Variants in SEMA6D observed in about 807,000 individuals in gnomAD.
The protein encoded by SEMA6D is semaphorin-6D.
SEMA6D carries 35 observed loss-of-function variants against 106.6 expected under a neutral mutation model. The observed-to-expected ratio is 0.33, with a 90% CI of 0.25 to 0.44. The LOEUF (loss-of-function observed/expected upper bound fraction) is 0.44, where lower values mean the gene tolerates loss of function less well. Ranked by LOEUF, SEMA6D falls within the 20% of genes least tolerant of loss-of-function variation. The pLI is 1.00. For missense variants in SEMA6D, 1,185 were observed against 1,345.9 expected, an observed-to-expected ratio of 0.88 and a Z score of 1.87; for synonymous variants, 499 against 487.7, an observed-to-expected ratio of 1.02 and a Z score of -0.31.
intron 3 of SEMA6D, among the ~76,000 whole-genome samples, chr15:47,571,889 C>G (rs1596340315): frequency 6.6e-6 from 1 of 152,050 alleles, no homozygotes; most frequent in African/African-American, 2.4e-5. Context: ...TTACCTGAAA[C>G]AAACAAAGAG....
At chr15:47,725,271 T>TA (rs2079669872) in intron 1 of SEMA6D, among the ~76,000 whole-genome samples, 1 of 152,200 alleles carries the variant, frequency 6.6e-6, no homozygotes, top group African/African-American at 2.4e-5. Flanking sequence ...ACATAGTAGA[T>TA]ATGCAGCAAG....
At chr15:47,216,087 C>T (rs149319247) in intron 1 of SEMA6D, among the ~76,000 whole-genome samples, 77 of 152,186 alleles carry the variant, frequency 5.1e-4, no homozygotes, top group African/African-American at 1.8e-3. Flanking sequence ...TTTGAAGAGG[C>T]AACTGATACT....
intron 3 of SEMA6D, among the ~76,000 whole-genome samples, chr15:47,534,902 T>G (rs1255795871): frequency 6.6e-6 from 1 of 152,042 alleles, no homozygotes; most frequent in Admixed American, 6.6e-5. Flanking sequence ...GTTCTATATA[T>G]AAACACTAGT....
chr15:47,651,287 C>T (rs372208173), intron 4 of SEMA6D, among the ~76,000 whole-genome samples: 3 of 152,014 alleles, frequency 2.0e-5, no homozygotes, highest in Non-Finnish European at 2.9e-5. Context: ...GTCTGTCATC[C>T]CTGCTACTTA....
intron 4 of SEMA6D, 23 bp downstream of exon 4, chr15:47,761,061 T>G (rs1301243547): frequency 6.2e-7 from 1 of 1,612,588 alleles, no homozygotes; most frequent in Non-Finnish European, 8.5e-7. Context: ...AGTTGGCAAA[T>G]TTATTTACCT....
At chr15:47,265,143 G>C (rs2034259564) in intron 1 of SEMA6D, among the ~76,000 whole-genome samples, 1 of 151,940 alleles carries the variant, frequency 6.6e-6, no homozygotes, top group Non-Finnish European at 1.5e-5. Flanking sequence ...GCTGGGATGT[G>C]TTCTCTTCTC....
chr15:47,283,700 A>C (rs1405343948), intron 1 of SEMA6D, among the ~76,000 whole-genome samples: 3 of 152,140 alleles, frequency 2.0e-5, no homozygotes, highest in Non-Finnish European at 4.4e-5. Context: ...AGACAATTTG[A>C]GGCTACACCA....
intron 2 of SEMA6D, among the ~76,000 whole-genome samples, chr15:47,428,768 A>G (rs2041428249): frequency 6.7e-6 from 1 of 149,246 alleles, no homozygotes; most frequent in Non-Finnish European, 1.5e-5. Context: ...TCTGTCAAGG[A>G]AAAAAAAAAG....
chr15:47,766,719 AC>A, intron 16 of SEMA6D, 42 bp downstream of exon 16: 1 of 1,340,828 alleles, frequency 7.5e-7, no homozygotes, highest in Non-Finnish European at 1.1e-6. Context: ...CTTCTTTTTG[AC>A]CACATTTGCA....
chr15:47,511,954 G>A lies in SEMA6D; in HGVS notation c.-87+41409G>A, dbSNP rs545802212. On this transcript the variant is annotated intron_variant, in intron 3 of 19. Transcript: ENST00000558014. The stretch of plus-strand genomic sequence containing the variant: ...CTGACCTCGGTGAGAAAAAGTTTTA[G>A]TCTTAATGACTGTTACATTATTTAA... 2.6e-3 allele frequency among the ~76,000 whole-genome samples: 400 copies of A among 152,288 alleles called. 5 individuals carry two copies. Among genetic ancestry groups the A allele is most frequent in the Admixed American group, 0.024 (366 of 15,290 alleles).
chr15:47,267,877 CT>C (rs2034393374), intron 1 of SEMA6D, among the ~76,000 whole-genome samples: 2 of 151,818 alleles, frequency 1.3e-5, no homozygotes, highest in Non-Finnish European at 2.9e-5. Context: ...CGTTACTTAT[CT>C]TTTTTTGTTT....
chr15:47,445,010 G>C (rs12909486), intron 2 of SEMA6D, among the ~76,000 whole-genome samples: 37,394 of 151,998 alleles, frequency 0.25, 5,524 homozygotes, highest in Middle Eastern at 0.44. Context: ...GGGGGATGGA[G>C]TGGGAAGATG....
In SEMA6D at chr15:47,662,676, A is replaced by G. The variant is rs570818605; in HGVS notation, c.-55+61780A>G. The stretch of plus-strand genomic sequence containing the variant: ...TTCTTCTAAACTTATACTTTAAAGA[A>G]TACACGACTTCAGTTCAACTCAATG... On this transcript the variant is annotated intron_variant, in intron 4 of 19. Coordinates refer to the SEMA6D transcript ENST00000558014. Among the ~76,000 whole-genome samples the G allele has an allele frequency of 6.1e-4, 93 of 152,292 alleles. 1 individual carries two copies. The highest frequency in any genetic ancestry group is 2.2e-3 in the African/African-American group (93 of 41,554).
chr15:47,344,584 G>T (rs1172436358), intron 1 of SEMA6D, among the ~76,000 whole-genome samples: 1 of 152,122 alleles, frequency 6.6e-6, no homozygotes, highest in African/African-American at 2.4e-5. Flanking sequence ...GAAGACCAAG[G>T]TGGCTGAAGT....
At chr15:47,721,875 C>T (rs2079442103) in intron 1 of SEMA6D, among the ~76,000 whole-genome samples, 1 of 152,044 alleles carries the variant, frequency 6.6e-6, no homozygotes. Flanking sequence ...GTATGTAGAT[C>T]ATCCATCATC....
chr15:47,536,971 T>C (rs1425893393), intron 3 of SEMA6D, among the ~76,000 whole-genome samples: 1 of 152,192 alleles, frequency 6.6e-6, no homozygotes, highest in Non-Finnish European at 1.5e-5. Flanking sequence ...AACATTTAAT[T>C]AAGAAAACAT....
At chr15:47,290,752 G>A (rs548780931) in intron 1 of SEMA6D, among the ~76,000 whole-genome samples, 37 of 152,126 alleles carry the variant, frequency 2.4e-4, no homozygotes, top group Non-Finnish European at 4.7e-4. Context: ...CCGCAGTCTC[G>A]TGAATGAACA....
chr15:47,693,090 G>A (rs2078624044), intron 4 of SEMA6D, among the ~76,000 whole-genome samples: 1 of 152,154 alleles, frequency 6.6e-6, no homozygotes, highest in South Asian at 2.1e-4. Flanking sequence ...CTTATTTGGA[G>A]ATAAGGTCCC....
At chr15:47,477,946 G>A (rs1175498328) in intron 3 of SEMA6D, among the ~76,000 whole-genome samples, 1 of 152,118 alleles carries the variant, frequency 6.6e-6, no homozygotes, top group Admixed American at 6.5e-5. Flanking sequence ...TTCATTTACT[G>A]TAGCTTGAAG....
Sources: gnomAD v4.1 joint callset for allele counts (sites outside exome capture counted in the v4.1 genomes callset) on GRCh38, gnomAD v4.1.1 for gene constraint, MANE v1.5 for transcripts, NCBI Gene and HGNC (gene_info 2026-07-23, HGNC 2026-07-21) for gene names.